The following ADGRL1 variants were observed in gnomAD, a reference collection of about 807,000 sequenced individuals.
ADGRL1 encodes adhesion G protein-coupled receptor L1, also known as CIRL-1.
Under a neutral mutation model 148.9 loss-of-function variants are expected in ADGRL1, and 31 were observed. The ratio of observed to expected loss-of-function variants is 0.21; its 90% confidence interval spans 0.16 to 0.28. The LOEUF is 0.28. Ranked by LOEUF, ADGRL1 falls within the 10% of genes least tolerant of loss-of-function variation. ADGRL1 has a pLI of 1.00. For missense variants in ADGRL1, 1,521 were observed against 2,058.8 expected (o/e 0.74, Z 5.05); for synonymous variants, 937 against 900.3 (o/e 1.04, Z -0.73).
intron 1 of ADGRL1, among the ~76,000 whole-genome samples, chr19:14,203,706 C>A (rs902254748): frequency 1.3e-5 from 2 of 152,178 alleles, no homozygotes; most frequent in African/African-American, 2.4e-5. Context: ...CCTTCCACCC[C>A]CTCCCTGCAG....
chr19:14,153,582 A>ATTTTTT (rs34163270), intron 18 of ADGRL1, among the ~76,000 whole-genome samples: 1 of 128,434 alleles, frequency 7.8e-6, no homozygotes, highest in African/African-American at 3.0e-5. Context: ...CACCTGGCTA[A>ATTTTTT]TTTTTTTTTT....
chr19:14,161,353 T>G lies in ADGRL1; in HGVS notation c.1469A>C (p.Gln490Pro). The G allele has an allele frequency of 1.9e-6, 3 of 1,588,838 alleles. No homozygotes were observed. Among genetic ancestry groups the G allele is most frequent in the Non-Finnish European group, 2.6e-6 (3 of 1,169,910 alleles). The change falls in exon 6 of 23, where the codon CAG (glutamine) becomes CCG (proline). Residue 490 changes from glutamine (Q) to proline (P), a missense_variant. Transcript: ENST00000361434. This position sits in a 1 kb window ranked among gnomAD's most constrained non-coding sequence, Gnocchi z 4.4. Reference sequence around the variant, plus strand: ...GCAGGGCCTCTCCACCAGCATGCCCTGCTGGGTGGCCGGCCACTGGACCCG... The same window carrying G: ...GCAGGGCCTCTCCACCAGCATGCCCGGCTGGGTGGCCGGCCACTGGACCCG... ...VRRVQWPATQQGMLVERPCPK... is the reference protein window; with the variant it reads ...VRRVQWPATQPGMLVERPCPK...
chr19:14,148,606 G>A lies in ADGRL1; in HGVS notation c.*2267C>T, dbSNP rs1480062560. ...GCAGTCCGGGAAGGGCCATGGAACT[G>A]TCCCTTGCCCTCCTCAGAGTCGTCT... On this transcript the variant is annotated 3_prime_UTR_variant, in exon 23 of 23. Transcript: ENST00000361434. The A allele has an allele frequency of 6.5e-6, 1 of 152,698 alleles. No individual in the cohort carries two copies. Among genetic ancestry groups the A allele is most frequent in the Admixed American group, 6.5e-5 (1 of 15,274 alleles). The allele number at this position is 152,698 out of a possible 1,614,324, so 9.5% of individuals were successfully genotyped here. A position where few individuals can be genotyped will look rare whatever the true frequency, so the allele number is the denominator to read the frequency against.
intron 1 of ADGRL1, among the ~76,000 whole-genome samples, chr19:14,201,050 G>A (rs1268844157): frequency 3.3e-5 from 5 of 152,152 alleles, no homozygotes; most frequent in Non-Finnish European, 7.3e-5. Flanking sequence ...GACATCCATC[G>A]GGAAGAGGCT....
chr19:14,151,670 G>A, intron 22 of ADGRL1, 55 bp from the exon 23 acceptor site: 3 of 1,492,506 alleles, frequency 2.0e-6, no homozygotes, highest in Non-Finnish European at 2.7e-6. Context: ...ATGCACTAGG[G>A]GACAGTGAGG....
Position 14,155,253 on chromosome 19 carries a change from G to C in ADGRL1, c.3294+106C>G. The C allele has an allele frequency of 7.6e-7, 1 of 1,319,868 alleles. No homozygotes were observed. Among genetic ancestry groups the C allele is most frequent in the South Asian group, 1.4e-5 (1 of 73,814 alleles). 81.8% of individuals were successfully genotyped at this position (1,319,868 alleles called of 1,614,324 possible). A position where few individuals can be genotyped will look rare whatever the true frequency, so the allele number is the denominator to read the frequency against. On this transcript the variant is annotated intron_variant, in intron 18 of 22. Coordinates refer to ENST00000361434, the MANE Select transcript of ADGRL1 (RefSeq NM_014921.5). The surrounding 1 kb of genome is among the most constrained non-coding windows in gnomAD (Gnocchi z 5.0). ...CAGAAGCCCTGCAGCACTCACTGGG[G>C]GCTTGAGGGAGCCCCTGAGTCCCCT...
rs758684867 is a variant in ADGRL1 at position 14,162,625 on chromosome 19, C to T, written c.1176G>A (p.Gly392=). The change falls in exon 5 of 23, where the codon GGG becomes GGA. Residue 392 remains glycine, a synonymous_variant. Coordinates refer to ENST00000361434, the MANE Select transcript of ADGRL1 (RefSeq NM_014921.5). This position sits in a 1 kb window ranked among gnomAD's most constrained non-coding sequence, Gnocchi z 5.4. ...CCTCACCAGCACTGGGGTCGGGCGG[C>T]CCGAACTCCAGGCTGTAGCGCACCA... ...YFVVRYSLEF[G]PPDPSAGPAT... is the part of the protein sequence containing the mutation. The T allele has an allele frequency of 2.5e-6, 4 of 1,607,740 alleles. No homozygotes were observed. The highest frequency in any genetic ancestry group is 1.3e-5 in the African/African-American group (1 of 74,834).
intron 1 of ADGRL1, among the ~76,000 whole-genome samples, chr19:14,199,500 T>A (rs756555624): frequency 6.6e-5 from 10 of 151,838 alleles, no homozygotes; most frequent in African/African-American, 1.9e-4. Flanking sequence ...GGTGGGATCA[T>A]AGCTCACCAC....
chr19:14,179,522 G>A (rs1329409000), intron 2 of ADGRL1, among the ~76,000 whole-genome samples: 1 of 151,902 alleles, frequency 6.6e-6, no homozygotes, highest in Non-Finnish European at 1.5e-5. Flanking sequence ...GCCAAGGAGA[G>A]AGGCCTCAGA....
rs761296512 is a variant in ADGRL1 at position 14,155,573 on chromosome 19, C to T, written c.3126-46G>A. 8 of 1,597,550 alleles carry T rather than the reference C, an allele frequency of 5.0e-6. No homozygotes were observed. Among genetic ancestry groups the T allele is most frequent in the African/African-American group, 4.0e-5 (3 of 74,604 alleles). On this transcript the variant is annotated intron_variant, in intron 17 of 22. Coordinates refer to ENST00000361434, the MANE Select transcript of ADGRL1 (RefSeq NM_014921.5). This position sits in a 1 kb window ranked among gnomAD's most constrained non-coding sequence, Gnocchi z 5.0. ...GAGTCAAAGTACCCGCCGGAGGGGA[C>T]GGCCTCAGCCCAGGCCTCCCCTGCA... is the stretch of plus-strand genomic sequence containing the variant.
intron 1 of ADGRL1, among the ~76,000 whole-genome samples, chr19:14,201,506 C>T (rs1740198938): frequency 6.6e-6 from 1 of 151,510 alleles, no homozygotes; most frequent in South Asian, 2.1e-4. Flanking sequence ...AGCCTCAAAC[C>T]TCTGGGCTCA....
chr19:14,148,322 T>TG lies in ADGRL1; in HGVS notation c.*2550dup, dbSNP rs1429377040. 6.6e-6 allele frequency: 1 copy of TG among 152,446 alleles called. No individual in the cohort carries two copies. Among genetic ancestry groups the TG allele is most frequent in the Non-Finnish European group, 1.5e-5 (1 of 68,184 alleles). The allele number at this position is 152,446 out of a possible 1,614,324, so 9.4% of individuals were successfully genotyped here. A position where few individuals can be genotyped will look rare whatever the true frequency, so the allele number is the denominator to read the frequency against. ...CTGGAAGCCACCCGGCGATGCCGGC[T>TG]GGAACAGGACCCGATACACCCTCTC... On this transcript the variant is annotated 3_prime_UTR_variant, in exon 23 of 23. Transcript: ENST00000361434.
intron 4 of ADGRL1, among the ~76,000 whole-genome samples, chr19:14,168,449 CGTGT>C (rs1036024196): frequency 1.3e-5 from 2 of 151,996 alleles, no homozygotes; most frequent in Non-Finnish European, 2.9e-5. Flanking sequence ...TGTGTGTGTG[CGTGT>C]GTCTCCTGTC....
intron 1 of ADGRL1, among the ~76,000 whole-genome samples, chr19:14,203,997 CAT>C (rs1206920476): frequency 6.6e-6 from 1 of 152,128 alleles, no homozygotes; most frequent in Non-Finnish European, 1.5e-5. Context: ...CCGGGACCCA[CAT>C]GTGAGCGCAC....
Position 14,159,332 on chromosome 19 carries a change from G to A in ADGRL1, c.2023+69C>T. The A allele has an allele frequency of 6.4e-7, 1 of 1,570,314 alleles. No homozygotes were observed. On this transcript the variant is annotated intron_variant, in intron 10 of 22. Coordinates refer to ENST00000361434, the MANE Select transcript of ADGRL1 (RefSeq NM_014921.5). The surrounding 1 kb of genome is among the most constrained non-coding windows in gnomAD (Gnocchi z 6.0). Reference sequence around the variant, plus strand: ...CCAAGGGTCGGATAGCCCCCCTGTGGCCTCCAGGCCAGAACCCCGTGGTTT... The same window carrying A: ...CCAAGGGTCGGATAGCCCCCCTGTGACCTCCAGGCCAGAACCCCGTGGTTT...
At chr19:14,166,835 G>C (rs1337841138) in intron 4 of ADGRL1, among the ~76,000 whole-genome samples, 1 of 152,030 alleles carries the variant, frequency 6.6e-6, no homozygotes, top group Non-Finnish European at 1.5e-5. Flanking sequence ...GGAGGGTGGA[G>C]ATGCCCGTGG....
chr19:14,151,298 C>T lies in ADGRL1; in HGVS notation c.3985G>A (p.Glu1329Lys), dbSNP rs766259151. The T allele has an allele frequency of 2.6e-5, 42 of 1,608,840 alleles. No individual in the cohort carries two copies. The South Asian group carries it at 4.6e-4, about 18-fold the overall frequency. The change falls in exon 23 of 23, where the codon GAA (glutamate) becomes AAA (lysine). Residue 1329 changes from glutamate to lysine, a missense_variant. Physicochemically the swap from Glu to Lys is moderately conservative, Grantham distance 56. Transcript: ENST00000361434. Reference protein sequence around the residue: ...GPGGADRAEIELLYKALEEPL... With the variant: ...GPGGADRAEIKLLYKALEEPL... ...TCCTCCAGGGCCTTATAGAGAAGTT[C>T]AATCTCGGCCCGGTCAGCACCCCCG...
In ADGRL1 at chr19:14,152,328, G is replaced by A; in HGVS notation, c.3630C>T (p.Pro1210=). The stretch of plus-strand genomic sequence containing the variant: ...TCTCACCTGGGGAGTTGAAGACAGG[G>A]GGCGAGGAGGGATTGAAGCCCACTG... ...AESVGFNPSS[P]PVFNSPGSYR... The change falls in exon 21 of 23, where the codon CCC becomes CCT. Residue 1210 remains proline (P), a synonymous_variant. Transcript: ENST00000361434. The surrounding 1 kb of genome is among the most constrained non-coding windows in gnomAD (Gnocchi z 6.1). 1 of 1,596,222 alleles carries A rather than the reference G, an allele frequency of 6.3e-7. No individual in the cohort carries two copies. The highest frequency in any genetic ancestry group is 1.1e-5 in the South Asian group (1 of 88,446).
intron 2 of ADGRL1, among the ~76,000 whole-genome samples, chr19:14,183,134 G>T (rs561575104): frequency 1.3e-5 from 2 of 152,118 alleles, no homozygotes; most frequent in South Asian, 4.1e-4. Flanking sequence ...TTAAATAAAC[G>T]TCAGCGGGCA....
Sources: allele counts gnomAD v4.1 joint callset (sites outside exome capture counted in the v4.1 genomes callset), GRCh38; gene constraint gnomAD v4.1.1; non-coding constraint Gnocchi (gnomAD v3.1); transcripts MANE v1.5; gene names NCBI Gene and HGNC (gene_info 2026-07-23, HGNC 2026-07-21).